The following OPCML variants were observed in gnomAD, a reference collection of about 807,000 sequenced individuals.
OPCML encodes the protein opioid binding protein/cell adhesion molecule like.
In OPCML, 13 loss-of-function variants were observed where a neutral mutation model predicts 37.8. The observed-to-expected ratio is 0.34, with a 90% CI of 0.22 to 0.55. The LOEUF (loss-of-function observed/expected upper bound fraction) is 0.55, where lower values mean the gene tolerates loss of function less well. OPCML is among the 20% of genes least tolerant of loss of function. The pLI, the probability that OPCML is intolerant of heterozygous loss-of-function variation, is 0.91. For missense variants in OPCML, 341 were observed against 435.6 expected (o/e 0.78, Z 1.93); for synonymous variants, 176 against 168.8 (o/e 1.04, Z -0.33).
intron 3 of OPCML, among the ~76,000 whole-genome samples, chr11:132,544,387 T>C (rs76873432): frequency 0.015 from 2,227 of 152,256 alleles, 62 homozygotes; most frequent in African/African-American, 0.051. Flanking sequence ...CACAAAATTA[T>C]CTTTAAAATG....
chr11:132,970,665 A>G (rs1037482544), intron 1 of OPCML, among the ~76,000 whole-genome samples: 1 of 152,150 alleles, frequency 6.6e-6, no homozygotes, highest in Admixed American at 6.5e-5. Flanking sequence ...CCCTCATTTC[A>G]GTCAAATGTA....
chr11:133,136,174 A>G (rs1424838009), intron 1 of OPCML, among the ~76,000 whole-genome samples: 2 of 152,166 alleles, frequency 1.3e-5, no homozygotes, highest in East Asian at 3.9e-4. Context: ...ATACAGTAAA[A>G]CCCATTTAGG....
At chr11:132,487,084 G>A (rs551032571) in intron 4 of OPCML, among the ~76,000 whole-genome samples, 2 of 152,246 alleles carry the variant, frequency 1.3e-5, no homozygotes, top group Admixed American at 6.5e-5. Context: ...GAAAAATCTT[G>A]AGACAGCTTG....
At chr11:132,886,839 G>A (rs957505055) in intron 2 of OPCML, among the ~76,000 whole-genome samples, 1 of 152,132 alleles carries the variant, frequency 6.6e-6, no homozygotes, top group Non-Finnish European at 1.5e-5. Flanking sequence ...TCTGTCCTCT[G>A]ACCTTGAGTG....
intron 2 of OPCML, among the ~76,000 whole-genome samples, chr11:132,856,899 G>A (rs935915189): frequency 6.6e-6 from 1 of 152,166 alleles, no homozygotes; most frequent in African/African-American, 2.4e-5. Flanking sequence ...CATCCTCTTT[G>A]AAGTGCACTT....
intron 1 of OPCML, among the ~76,000 whole-genome samples, chr11:132,949,214 A>G (rs1488444347): frequency 6.6e-6 from 1 of 152,224 alleles, no homozygotes; most frequent in African/African-American, 2.4e-5. Flanking sequence ...CCACCTGGGA[A>G]AAACACCTGT....
At chr11:133,077,537 G>A (rs1392760597) in intron 1 of OPCML, among the ~76,000 whole-genome samples, 1 of 152,156 alleles carries the variant, frequency 6.6e-6, no homozygotes. Context: ...AACTCGGTAA[G>A]AATTTTTTTA....
At chr11:132,945,730 A>G (rs1471562597) in intron 1 of OPCML, among the ~76,000 whole-genome samples, 1 of 150,612 alleles carries the variant, frequency 6.6e-6, no homozygotes, top group East Asian at 1.9e-4. Context: ...CACGTTGTAC[A>G]GTTGTACAAA....
intron 3 of OPCML, among the ~76,000 whole-genome samples, chr11:132,535,291 A>C (rs2096337542): frequency 6.6e-6 from 1 of 152,096 alleles, no homozygotes; most frequent in Non-Finnish European, 1.5e-5. Flanking sequence ...GCACAGGGAA[A>C]ATCTCACATG....
chr11:133,513,479 C>T (rs948381797), intron 1 of OPCML, among the ~76,000 whole-genome samples: 5 of 152,328 alleles, frequency 3.3e-5, no homozygotes, highest in Admixed American at 3.3e-4. Context: ...CAATTCTCAT[C>T]CTTTAAAAAC....
At chr11:133,051,384 A>G (rs766534715) in intron 1 of OPCML, among the ~76,000 whole-genome samples, 1 of 152,228 alleles carries the variant, frequency 6.6e-6, no homozygotes, top group Non-Finnish European at 1.5e-5. Flanking sequence ...AGAGTGAAGC[A>G]GTTAGAGTCT....
rs574345017 is a variant in OPCML at position 132,909,037 on chromosome 11, G to T, written c.146+33889C>A. Among the ~76,000 whole-genome samples, 5 of 151,774 alleles carry T rather than the reference G, an allele frequency of 3.3e-5. No individual in the cohort carries two copies. In the East Asian group the frequency reaches 9.8e-4, roughly 30 times the overall value. Reference sequence around the variant, plus strand: ...CATCGCTCCTCCTCAGAAGGGCAAGGGTGCCTCAGAGACAGAAGCATCAGT... The same window carrying T: ...CATCGCTCCTCCTCAGAAGGGCAAGTGTGCCTCAGAGACAGAAGCATCAGT... On this transcript the variant is annotated intron_variant, in intron 2 of 7. Coordinates refer to ENST00000524381, the MANE Select transcript of OPCML (RefSeq NM_001012393.5).
At chr11:132,791,907 A>G (rs985027382) in intron 2 of OPCML, among the ~76,000 whole-genome samples, 1 of 152,184 alleles carries the variant, frequency 6.6e-6, no homozygotes. Context: ...GGGTGTACTC[A>G]GTGCTGGCTG....
intron 1 of OPCML, among the ~76,000 whole-genome samples, chr11:132,957,434 G>T (rs1945996624): frequency 6.6e-6 from 1 of 152,134 alleles, no homozygotes; most frequent in African/African-American, 2.4e-5. Context: ...ACCAAGGGGA[G>T]ATTTTACAGA....
intron 1 of OPCML, among the ~76,000 whole-genome samples, chr11:133,296,915 G>C (rs375648794): frequency 6.6e-6 from 1 of 152,166 alleles, no homozygotes; most frequent in East Asian, 1.9e-4. Context: ...TAGTTTTTTG[G>C]CCTTCAGTTC....
At chr11:132,648,659 G>A (rs1253349867) in intron 3 of OPCML, among the ~76,000 whole-genome samples, 1 of 151,796 alleles carries the variant, frequency 6.6e-6, no homozygotes, top group Admixed American at 6.6e-5. Context: ...ACGCCACCAT[G>A]CCCAGCTAAT....
chr11:133,399,359 C>T (rs564479828), intron 1 of OPCML, among the ~76,000 whole-genome samples: 1 of 152,232 alleles, frequency 6.6e-6, no homozygotes, highest in African/African-American at 2.4e-5. Flanking sequence ...GGGCAGTTTG[C>T]TTAACCTCTT....
At chr11:133,171,874 A>G (rs1358013624) in intron 1 of OPCML, among the ~76,000 whole-genome samples, 2 of 152,194 alleles carry the variant, frequency 1.3e-5, no homozygotes, top group African/African-American at 2.4e-5. Context: ...CATGCTGCTG[A>G]GAAGGCCAGG....
chr11:132,609,788 T>C (rs1429344125), intron 3 of OPCML, among the ~76,000 whole-genome samples: 1 of 152,224 alleles, frequency 6.6e-6, no homozygotes, highest in African/African-American at 2.4e-5. Flanking sequence ...CGTGTTTACA[T>C]TTCACCTACC....
Sources: allele counts gnomAD v4.1 joint callset (sites outside exome capture counted in the v4.1 genomes callset), GRCh38; gene constraint gnomAD v4.1.1; transcripts MANE v1.5; gene names NCBI Gene and HGNC (gene_info 2026-07-23, HGNC 2026-07-21).